KCNT2: variants seen among roughly 807,000 people sequenced by gnomAD.
The protein encoded by KCNT2 is potassium sodium-activated channel subfamily T member 2.
In KCNT2, 67 loss-of-function variants were observed where a neutral mutation model predicts 153.8. The observed-to-expected ratio is 0.44, with a 90% CI of 0.36 to 0.53. The LOEUF (loss-of-function observed/expected upper bound fraction) is 0.53. Among genes scored for constraint, KCNT2 ranks in the 20% least tolerant of loss-of-function variants. The pLI is 0.00. For synonymous variants in KCNT2, 500 were observed against 458.8 expected, an observed-to-expected ratio of 1.09 and a Z score of -1.15; for missense variants, 975 against 1,354.8, an observed-to-expected ratio of 0.72 and a Z score of 4.40.
intron 27 of KCNT2, among the ~76,000 whole-genome samples, chr1:196,230,739 T>G: frequency 6.6e-6 from 1 of 152,076 alleles, no homozygotes; most frequent in Middle Eastern, 3.4e-3. Context: ...CTGACCAAAA[T>G]TTGAATGAAT....
intron 8 of KCNT2, among the ~76,000 whole-genome samples, chr1:196,439,853 C>A (rs1675066473): frequency 6.6e-6 from 1 of 151,712 alleles, no homozygotes; most frequent in African/African-American, 2.4e-5. Flanking sequence ...AACACATGGA[C>A]ACTGGGAGGG....
chr1:196,302,536 T>C (rs1661278478), intron 22 of KCNT2, among the ~76,000 whole-genome samples: 1 of 152,172 alleles, frequency 6.6e-6, no homozygotes, highest in South Asian at 2.1e-4. Flanking sequence ...GCCTTTCTCC[T>C]TGGCTTATGG....
At chr1:196,379,132 T>G (rs980878179) in intron 13 of KCNT2, among the ~76,000 whole-genome samples, 1 of 152,156 alleles carries the variant, frequency 6.6e-6, no homozygotes, top group Admixed American at 6.6e-5. Flanking sequence ...ACTCTTTTCT[T>G]CTTGTTGGTG....
chr1:196,483,057 T>C (rs1159021348), intron 3 of KCNT2, among the ~76,000 whole-genome samples: 1 of 152,122 alleles, frequency 6.6e-6, no homozygotes, highest in Non-Finnish European at 1.5e-5. Context: ...TTGATTCCAA[T>C]GGGAGTTACT....
intron 1 of KCNT2, among the ~76,000 whole-genome samples, chr1:196,566,577 T>A (rs775799776): frequency 2.0e-5 from 3 of 152,010 alleles, no homozygotes; most frequent in Non-Finnish European, 4.4e-5. Flanking sequence ...AAAAGGTAGA[T>A]TAAGGTGGTG....
intron 14 of KCNT2, among the ~76,000 whole-genome samples, 164 bp downstream of exon 14, chr1:196,372,976 A>G (rs1052458161): frequency 2.6e-5 from 4 of 152,070 alleles, no homozygotes; most frequent in Non-Finnish European, 4.4e-5. Flanking sequence ...TGGATTCTTT[A>G]ACATGTCTTT....
chr1:196,281,098 T>C (rs1659049788), intron 24 of KCNT2, 110 bp from the exon 25 acceptor site: 4 of 793,464 alleles, frequency 5.0e-6, no homozygotes, highest in Non-Finnish European at 8.1e-6. Context: ...GGTCTCACTC[T>C]GTCACCCAGG....
intron 1 of KCNT2, among the ~76,000 whole-genome samples, chr1:196,592,094 C>A (rs955684925): frequency 2.0e-5 from 3 of 151,904 alleles, no homozygotes; most frequent in Non-Finnish European, 4.4e-5. Context: ...TTTGTTGCGG[C>A]ACAAGATTTG....
chr1:196,361,867 A>G (rs978489305), intron 14 of KCNT2, among the ~76,000 whole-genome samples: 2 of 151,968 alleles, frequency 1.3e-5, no homozygotes, highest in Admixed American at 6.6e-5. Context: ...AATTTATAGC[A>G]ATCAATCACA....
chr1:196,484,014 G>C (rs1356933297), intron 3 of KCNT2, among the ~76,000 whole-genome samples: 1 of 152,052 alleles, frequency 6.6e-6, no homozygotes, highest in Non-Finnish European at 1.5e-5. Flanking sequence ...CCACAACAAG[G>C]TGTGTCAGAG....
chr1:196,601,356 C>A (rs962696414), intron 1 of KCNT2, among the ~76,000 whole-genome samples: 24 of 152,102 alleles, frequency 1.6e-4, no homozygotes, highest in Non-Finnish European at 1.0e-4. Context: ...TAATTAAGTT[C>A]GCATATGTAT....
intron 12 of KCNT2, among the ~76,000 whole-genome samples, chr1:196,411,463 A>AAC (rs1392607619): frequency 1.3e-5 from 2 of 150,236 alleles, no homozygotes; most frequent in East Asian, 2.0e-4. Flanking sequence ...AAAAAAAAAA[A>AAC]AAAAAACGGC....
At chr1:196,406,162 A>C (rs1230668336) in intron 12 of KCNT2, among the ~76,000 whole-genome samples, 1 of 151,478 alleles carries the variant, frequency 6.6e-6, no homozygotes, top group Non-Finnish European at 1.5e-5. Context: ...GTATAAGGTT[A>C]GATTACATAC....
rs1252622055 is a variant in KCNT2, at chr1:196,226,766, A to G, written c.*1458T>C. 1 of 152,010 alleles carries G rather than the reference A, an allele frequency of 6.6e-6. No individual in the cohort carries two copies. The highest frequency in any genetic ancestry group is 1.5e-5 in the Non-Finnish European group (1 of 67,862). The allele number at this position is 152,010 out of a possible 1,614,324, so 9.4% of individuals were successfully genotyped here. A position where few individuals can be genotyped will look rare whatever the true frequency, so the allele number is the denominator to read the frequency against. On this transcript the variant is annotated 3_prime_UTR_variant, in exon 28 of 28. Coordinates refer to ENST00000294725, the MANE Select transcript of KCNT2 (RefSeq NM_198503.5). The stretch of plus-strand genomic sequence containing the variant: ...CTTTAAGTTGATCTGCTTCATTATG[A>G]AAAGAAAGGAAAAAAAGTCCCTTTC...
intron 1 of KCNT2, among the ~76,000 whole-genome samples, chr1:196,591,944 T>C (rs1315881579): frequency 6.6e-6 from 1 of 152,176 alleles, no homozygotes; most frequent in Non-Finnish European, 1.5e-5. Flanking sequence ...CATTTAATTA[T>C]ATGTTTCTGT....
chr1:196,327,413 T>C (rs887533359), intron 18 of KCNT2, among the ~76,000 whole-genome samples: 2 of 151,840 alleles, frequency 1.3e-5, no homozygotes, highest in African/African-American at 2.4e-5. Flanking sequence ...TACCCAATAA[T>C]ACCAACAAAA....
At chr1:196,429,539 C>A (rs568061791) in intron 9 of KCNT2, 38 bp downstream of exon 9, 3 of 1,391,450 alleles carry the variant, frequency 2.2e-6, no homozygotes, top group Non-Finnish European at 2.9e-6. Context: ...TTTCATGTCT[C>A]TGTACATTTC....
chr1:196,413,478 G>T (rs1672502239), intron 12 of KCNT2, among the ~76,000 whole-genome samples: 1 of 151,506 alleles, frequency 6.6e-6, no homozygotes, highest in Non-Finnish European at 1.5e-5. Flanking sequence ...TAGAAATGTT[G>T]ACTAAAACTA....
chr1:196,286,083 C>T, intron 22 of KCNT2, among the ~76,000 whole-genome samples: 1 of 151,954 alleles, frequency 6.6e-6, no homozygotes, highest in South Asian at 2.1e-4. Context: ...ACTAACGTCA[C>T]ACGATGTACC....
Sources: allele counts gnomAD v4.1 joint callset (sites outside exome capture counted in the v4.1 genomes callset), GRCh38; gene constraint gnomAD v4.1.1; transcripts MANE v1.5; gene names NCBI Gene and HGNC (gene_info 2026-07-23, HGNC 2026-07-21).